ALCAM: variants seen among roughly 807,000 people sequenced by gnomAD.
ALCAM encodes activated leukocyte cell adhesion molecule, also known as CD166 antigen.
In ALCAM, 30 loss-of-function variants were observed where a neutral mutation model predicts 70.9. The observed-to-expected ratio is 0.42, with a 90% CI of 0.32 to 0.57. ALCAM has a LOEUF of 0.57. Among genes scored for constraint, ALCAM ranks in the 20% least tolerant of loss-of-function variants. The probability of loss-of-function intolerance (pLI) is 0.11; values close to 1 mark genes in which losing one functional copy is unlikely to be tolerated. For missense variants in ALCAM, 591 were observed against 695.1 expected, an observed-to-expected ratio of 0.85 and a Z score of 1.68; for synonymous variants, 249 against 242.5, an observed-to-expected ratio of 1.03 and a Z score of -0.25.
chr3:105,514,836 G>T (rs1310515514), intron 1 of ALCAM, among the ~76,000 whole-genome samples: 1 of 151,922 alleles, frequency 6.6e-6, no homozygotes, highest in African/African-American at 2.4e-5. Flanking sequence ...AGGCAATGCA[G>T]AAAATGAATT....
chr3:105,392,151 C>T lies in ALCAM; in HGVS notation c.73+24670C>T, dbSNP rs560899278. Among the ~76,000 whole-genome samples, 12 of 152,042 alleles carry T rather than the reference C, an allele frequency of 7.9e-5. No homozygotes were observed. In the South Asian group the frequency reaches 2.5e-3, roughly 32 times the overall value. ...ATAGTTTCAGAAGAAATGGTATCAG[C>T]TCCTCTTTGTACCTTCAGTAGAATT... is the stretch of plus-strand genomic sequence containing the variant. On this transcript the variant is annotated intron_variant, in intron 1 of 15. Coordinates refer to ENST00000306107, the MANE Select transcript of ALCAM (RefSeq NM_001627.4).
chr3:105,491,112 C>T (rs1938574036), intron 1 of ALCAM, among the ~76,000 whole-genome samples: 1 of 152,224 alleles, frequency 6.6e-6, no homozygotes, highest in Non-Finnish European at 1.5e-5. Flanking sequence ...GCAGGCTGAA[C>T]ACCACATGTA....
rs759732563 is a variant in ALCAM at position 105,524,359 on chromosome 3, A to T, written c.245A>T (p.Asp82Val). 7.4e-6 allele frequency: 12 copies of T among 1,614,094 alleles called. No individual in the cohort carries two copies. Among genetic ancestry groups the T allele is most frequent in the Non-Finnish European group, 1.0e-5 (12 of 1,179,966 alleles). ...SSTKKSVQYD[D>V]VPEYKDRLNL... is the part of the protein sequence containing the mutation. ...ACAAAGAAAAGTGTGCAGTACGACG[A>T]TGTACCAGAATACAAAGACAGATTG... is the stretch of plus-strand genomic sequence containing the variant. The change falls in exon 3 of 16, where the codon GAT (aspartate) becomes GTT (valine). Residue 82 changes from aspartate to valine, a missense_variant. Transcript: ENST00000306107.
chr3:105,567,404 A>T (rs1020508995), intron 14 of ALCAM, among the ~76,000 whole-genome samples: 1 of 150,478 alleles, frequency 6.6e-6, no homozygotes, highest in Non-Finnish European at 1.5e-5. Context: ...GCTCACTATC[A>T]TCTCACAGGC....
intron 1 of ALCAM, among the ~76,000 whole-genome samples, chr3:105,484,126 G>C (rs1220273610): frequency 1.3e-5 from 2 of 151,734 alleles, no homozygotes; most frequent in Non-Finnish European, 2.9e-5. Flanking sequence ...CCTAACAAAA[G>C]TAGACAAATA....
intron 3 of ALCAM, chr3:105,524,859 T>C (rs1313857699): frequency 2.0e-6 from 2 of 1,015,954 alleles, no homozygotes; most frequent in African/African-American, 3.4e-5. Flanking sequence ...ATATATGATA[T>C]ATATGTAATC....
intron 1 of ALCAM, among the ~76,000 whole-genome samples, chr3:105,431,357 G>A (rs1936928167): frequency 2.0e-5 from 3 of 152,100 alleles, no homozygotes; most frequent in Admixed American, 2.0e-4. Flanking sequence ...CACAGGGGGA[G>A]TCATCTGGAG....
chr3:105,432,675 C>T (rs1471088901), intron 1 of ALCAM, among the ~76,000 whole-genome samples: 1 of 152,086 alleles, frequency 6.6e-6, no homozygotes, highest in Admixed American at 6.5e-5. Context: ...GCGCTTCACA[C>T]ATAACAAACT....
intron 1 of ALCAM, among the ~76,000 whole-genome samples, chr3:105,492,071 G>A (rs989485625): frequency 6.6e-6 from 1 of 152,144 alleles, no homozygotes; most frequent in African/African-American, 2.4e-5. Context: ...TGGCTGGGGA[G>A]GCCTCAGGGA....
intron 1 of ALCAM, among the ~76,000 whole-genome samples, chr3:105,516,178 G>A (rs1032066283): frequency 3.3e-5 from 5 of 151,830 alleles, no homozygotes; most frequent in African/African-American, 1.2e-4. Flanking sequence ...TGTGGTAGCA[G>A]ATTCTGAATT....
intron 1 of ALCAM, among the ~76,000 whole-genome samples, chr3:105,474,751 T>C (rs1489411633): frequency 6.6e-6 from 1 of 151,794 alleles, no homozygotes; most frequent in East Asian, 1.9e-4. Flanking sequence ...ATGAACATAC[T>C]ATAATTTTAA....
At chr3:105,420,211 C>T (rs1301322538) in intron 1 of ALCAM, among the ~76,000 whole-genome samples, 1 of 151,570 alleles carries the variant, frequency 6.6e-6, no homozygotes, top group Non-Finnish European at 1.5e-5. Flanking sequence ...CTTTGATGTT[C>T]CTCTTCCTCT....
chr3:105,377,546 T>C (rs1413539631), intron 1 of ALCAM, among the ~76,000 whole-genome samples: 8 of 152,074 alleles, frequency 5.3e-5, no homozygotes, highest in African/African-American at 1.9e-4. Context: ...TGGTTTTCAT[T>C]TATTTAAAGC....
chr3:105,454,292 G>C (rs146227123), intron 1 of ALCAM, among the ~76,000 whole-genome samples: 3 of 152,220 alleles, frequency 2.0e-5, no homozygotes, highest in African/African-American at 4.8e-5. Context: ...TATTAGGTAG[G>C]TCTCATTTAG....
At chr3:105,389,990 T>C (rs1935771573) in intron 1 of ALCAM, among the ~76,000 whole-genome samples, 1 of 152,030 alleles carries the variant, frequency 6.6e-6, no homozygotes, top group African/African-American at 2.4e-5. Context: ...CTATCATTGA[T>C]AGGCATTTAG....
At chr3:105,385,312 AT>A (rs1044648675) in intron 1 of ALCAM, among the ~76,000 whole-genome samples, 23 of 151,722 alleles carry the variant, frequency 1.5e-4, no homozygotes, top group Admixed American at 1.2e-3. Flanking sequence ...AAAAGAGAGT[AT>A]TCTGTAAAAG....
intron 6 of ALCAM, among the ~76,000 whole-genome samples, chr3:105,537,588 TA>T (rs1940004052): frequency 6.6e-6 from 1 of 152,116 alleles, no homozygotes; most frequent in Non-Finnish European, 1.5e-5. Flanking sequence ...TGTAGAGTAA[TA>T]CTTACATGCC....
At chr3:105,385,726 C>T (rs1935635505) in intron 1 of ALCAM, among the ~76,000 whole-genome samples, 1 of 151,614 alleles carries the variant, frequency 6.6e-6, no homozygotes, top group Non-Finnish European at 1.5e-5. Context: ...AATTTTACAA[C>T]AGCAGATGTG....
At chr3:105,462,575 C>T (rs1002724460) in intron 1 of ALCAM, among the ~76,000 whole-genome samples, 3 of 151,194 alleles carry the variant, frequency 2.0e-5, no homozygotes, top group African/African-American at 4.8e-5. Flanking sequence ...CAAAGTTATG[C>T]GTTTAAAAAT....
Sources: gnomAD v4.1 joint callset for allele counts (sites outside exome capture counted in the v4.1 genomes callset) on GRCh38, gnomAD v4.1.1 for gene constraint, MANE v1.5 for transcripts, NCBI Gene and HGNC (gene_info 2026-07-23, HGNC 2026-07-21) for gene names.